LRRC42: variants seen among roughly 807,000 people sequenced by gnomAD.
LRRC42 encodes the protein leucine-rich repeat-containing protein 42.
Under a neutral mutation model 44.3 loss-of-function variants are expected in LRRC42, and 43 were observed. That is an observed-to-expected ratio of 0.97 (90% confidence interval 0.76 to 1.25). The LOEUF (loss-of-function observed/expected upper bound fraction) is 1.25, where lower values mean the gene tolerates loss of function less well. Ranked by LOEUF, LRRC42 falls within the 50% of genes most tolerant of loss-of-function variation. The pLI, the probability that LRRC42 is intolerant of heterozygous loss-of-function variation, is 0.00. For synonymous variants in LRRC42, 207 were observed against 195.2 expected (o/e 1.06, Z -0.50); for missense variants, 540 against 509.1 (o/e 1.06, Z -0.58).
Position 53,952,296 on chromosome 1 carries a change from C to T in LRRC42, c.297C>T (p.Asp99=), listed in dbSNP as rs1466124163. The T allele has an allele frequency of 6.2e-7, 1 of 1,614,112 alleles. No individual in the cohort carries two copies. Among genetic ancestry groups the T allele is most frequent in the African/African-American group, 1.3e-5 (1 of 74,944 alleles). The change falls in exon 3 of 9, where the codon GAC becomes GAT. Residue 99 remains aspartate (D), a synonymous_variant. Coordinates refer to ENST00000371370, the MANE Select transcript of LRRC42 (RefSeq NM_001256409.2). ...GCCTTGTCCTGGGTTTCATCTCCGA[C>T]AATGTGGATCACATTGATTCCCTTA... ...LFSLVLGFIS[D]NVDHIDSLIG...
Position 53,952,314 on chromosome 1 carries a change from T to C in LRRC42, c.315T>C (p.Asp105=). 6.2e-7 allele frequency: 1 copy of C among 1,614,212 alleles called. No individual in the cohort carries two copies. The highest frequency in any genetic ancestry group is 8.5e-7 in the Non-Finnish European group (1 of 1,180,014). ...TCTCCGACAATGTGGATCACATTGA[T>C]TCCCTTATTGGCTTTCCTGAGCAGA... is the stretch of plus-strand genomic sequence containing the variant. ...GFISDNVDHI[D]SLIGFPEQIA... The change falls in exon 3 of 9, where the codon GAT becomes GAC. Residue 105 remains aspartate (D), a synonymous_variant. Transcript: ENST00000371370.
rs1490818810 is a variant in LRRC42 at position 53,958,171 on chromosome 1, C to A, written c.496C>A (p.Leu166Ile). 1.9e-6 allele frequency: 3 copies of A among 1,613,754 alleles called. No individual in the cohort carries two copies. The highest frequency in any genetic ancestry group is 1.6e-4 in the Middle Eastern group (1 of 6,082). The part of the protein sequence containing the change: ...RNRYLVISEK[L>I]EEIKSFRELT... ...TAGGTATCTCGTGATTTCAGAAAAG[C>A]TTGAGGAGATTAAGTCTTTCCGGGA... Residue 166 changes from leucine (L) to isoleucine (I), a missense_variant, in exon 4 of 9, where the codon CTT becomes ATT. By Grantham distance (5) the Leu-to-Ile change is conservative. Transcript: ENST00000371370.
At chr1:53,961,678 G>A (rs1654999031) in intron 5 of LRRC42, among the ~76,000 whole-genome samples, 1 of 149,396 alleles carries the variant, frequency 6.7e-6, no homozygotes, top group African/African-American at 2.6e-5. Flanking sequence ...TTACTTTGGA[G>A]GTGAAATGGC....
rs576639079 is a variant in LRRC42, at chr1:53,958,577, A to ATTTATT, written c.605+313_605+318dup. Among the ~76,000 whole-genome samples, 1,404 of 152,016 alleles carry ATTTATT rather than the reference A, an allele frequency of 9.2e-3. 26 individuals carry two copies. The highest frequency in any genetic ancestry group is 0.032 in the African/African-American group (1,338 of 41,444). On this transcript the variant is annotated intron_variant, in intron 4 of 8. Transcript: ENST00000371370. ...TAAAAAGTGGTTTTGCCCCTTATTT[A>ATTTATT]TTTATTTTTATTTTTATTTTTTTTG...
At chr1:53,952,543 G>T in intron 3 of LRRC42, 71 bp downstream of exon 3, 1 of 1,245,974 alleles carries the variant, frequency 8.0e-7, no homozygotes, top group Admixed American at 2.6e-5. Context: ...GGGGCTTAGT[G>T]GGCTCAGGGG....
intron 8 of LRRC42, among the ~76,000 whole-genome samples, chr1:53,967,261 G>T (rs928648064): frequency 6.6e-6 from 1 of 152,176 alleles, no homozygotes; most frequent in South Asian, 2.1e-4. Flanking sequence ...TCCAGATTTC[G>T]AATAATGAAG....
Position 53,962,102 on chromosome 1 carries a change from A to T in LRRC42, c.793A>T (p.Ile265Phe), listed in dbSNP as rs771155967. 6.2e-7 allele frequency: 1 copy of T among 1,613,836 alleles called. No individual in the cohort carries two copies. The highest frequency in any genetic ancestry group is 8.5e-7 in the Non-Finnish European group (1 of 1,179,740). Residue 265 changes from isoleucine (I) to phenylalanine (F), a missense_variant, in exon 6 of 9, where the codon ATC (isoleucine) becomes TTC (phenylalanine). By Grantham distance (21) the Ile-to-Phe change is conservative. Coordinates refer to ENST00000371370, the MANE Select transcript of LRRC42 (RefSeq NM_001256409.2). Reference protein sequence around the residue: ...FSFRKLNCLDISGTGLKDIKT... With the variant: ...FSFRKLNCLDFSGTGLKDIKT... ...TTTTAGGAAACTAAACTGCTTAGAT[A>T]TCTCTGGGACAGGGCTCAAGGTAAG... is the stretch of plus-strand genomic sequence containing the variant.
intron 2 of LRRC42, 59 bp from the exon 3 acceptor site, chr1:53,951,927 G>T: frequency 1.5e-6 from 2 of 1,325,896 alleles, no homozygotes; most frequent in Non-Finnish European, 2.1e-6. Flanking sequence ...GCAAGATGAA[G>T]TTACATGTTA....
Position 53,958,244 on chromosome 1 carries a change from A to G in LRRC42, c.569A>G (p.Glu190Gly), listed in dbSNP as rs1397695388. ...TGTTGCAAGCTTGGAGATGAGCATG[A>G]ACTTCTAGAACATCTCACCAATGAA... ...LSCCKLGDEHELLEHLTNEAL... is the reference protein window; with the variant it reads ...LSCCKLGDEHGLLEHLTNEAL... Residue 190 changes from glutamate (E) to glycine (G), a missense_variant, in exon 4 of 9, where the codon GAA becomes GGA. Physicochemically the swap from Glu to Gly is moderately conservative, Grantham distance 98. Transcript: ENST00000371370. 3 of 1,613,750 alleles carry G rather than the reference A, an allele frequency of 1.9e-6. No individual in the cohort carries two copies. Among genetic ancestry groups the G allele is most frequent in the African/African-American group, 1.3e-5 (1 of 74,912 alleles).
chr1:53,954,211 C>T (rs897954625), intron 3 of LRRC42, among the ~76,000 whole-genome samples: 1 of 152,128 alleles, frequency 6.6e-6, no homozygotes, highest in Non-Finnish European at 1.5e-5. Flanking sequence ...AGGCCAAATA[C>T]TGTATTTTAA....
intron 1 of LRRC42, 107 bp from the exon 2 acceptor site, chr1:53,947,681 C>G (rs1315217796): frequency 1.3e-5 from 2 of 152,160 alleles, no homozygotes; most frequent in Non-Finnish European, 2.9e-5. Flanking sequence ...GAAGGGAGGC[C>G]TCGTTGTAAA....
At chr1:53,946,925 T>TG (rs1415016545) in intron 1 of LRRC42, among the ~76,000 whole-genome samples, 1 of 86,420 alleles carries the variant, frequency 1.2e-5, no homozygotes, top group Non-Finnish European at 2.3e-5. Context: ...GGTGGGGTCT[T>TG]GGGGGCAGGG....
intron 2 of LRRC42, among the ~76,000 whole-genome samples, chr1:53,950,470 C>T (rs558182347): frequency 1.3e-5 from 2 of 152,228 alleles, no homozygotes; most frequent in Admixed American, 6.5e-5. Flanking sequence ...ATTGTTTCAT[C>T]TCCAGAGACT....
At chr1:53,946,714 A>T (rs1272838311) in intron 1 of LRRC42, among the ~76,000 whole-genome samples, 165 bp downstream of exon 1, 6 of 150,302 alleles carry the variant, frequency 4.0e-5, no homozygotes, top group Non-Finnish European at 7.4e-5. Flanking sequence ...CGATGGGTTT[A>T]AGGGTGGCGT....
chr1:53,964,084 C>A (rs1382674383), intron 7 of LRRC42, among the ~76,000 whole-genome samples: 1 of 151,982 alleles, frequency 6.6e-6, no homozygotes, highest in African/African-American at 2.4e-5. Flanking sequence ...GTCCCACCCC[C>A]TCCTTGCCTA....
At chr1:53,966,226 G>A in intron 7 of LRRC42, 70 bp from the exon 8 acceptor site, 1 of 1,268,108 alleles carries the variant, frequency 7.9e-7, no homozygotes, top group Non-Finnish European at 1.1e-6. Context: ...GAAAAAGGGG[G>A]AACAAGAAAG....
intron 6 of LRRC42, 38 bp downstream of exon 6, chr1:53,962,160 C>A (rs758445613): frequency 6.4e-7 from 1 of 1,554,808 alleles, no homozygotes. Flanking sequence ...TTTCTAGACT[C>A]AACAATTTGA....
In LRRC42 at chr1:53,960,440, A is replaced by C; in HGVS notation, c.690A>C (p.Arg230Ser). 1.2e-6 allele frequency: 2 copies of C among 1,613,494 alleles called. No homozygotes were observed. Among genetic ancestry groups the C allele is most frequent in the Non-Finnish European group, 1.7e-6 (2 of 1,179,604 alleles). Residue 230 changes from arginine (R) to serine (S), a missense_variant, in exon 5 of 9, where the codon AGA becomes AGC. Transcript: ENST00000371370. Reference protein sequence around the residue: ...KMTAPVRVMKRGLENLTLLDL... With the variant: ...KMTAPVRVMKSGLENLTLLDL... ...CAGCACCAGTTCGAGTGATGAAAAG[A>C]GGCCTTGAGAATCTAACATTATTAG...
At chr1:53,962,242 A>G (rs1035684794) in intron 6 of LRRC42, 54 bp from the exon 7 acceptor site, 19 of 1,491,662 alleles carry the variant, frequency 1.3e-5, no homozygotes, top group Non-Finnish European at 1.7e-5. Context: ...TACTGAAAAC[A>G]AGTAAGAATT....
Sources: allele counts gnomAD v4.1 joint callset (sites outside exome capture counted in the v4.1 genomes callset), GRCh38; gene constraint gnomAD v4.1.1; transcripts MANE v1.5; gene names NCBI Gene and HGNC (gene_info 2026-07-23, HGNC 2026-07-21).